PHACTR1: variants seen among roughly 807,000 people sequenced by gnomAD.
PHACTR1 encodes the protein RPEL repeat containing 1.
PHACTR1 carries 16 observed loss-of-function variants against 69.2 expected under a neutral mutation model. The observed-to-expected ratio is 0.23, with a 90% CI of 0.16 to 0.35. PHACTR1 has a LOEUF of 0.35. PHACTR1 is among the 10% of genes least tolerant of loss of function. The pLI is 1.00. For synonymous variants in PHACTR1, 312 were observed against 284.5 expected (o/e 1.10, Z -0.97); for missense variants, 510 against 734.7 (o/e 0.69, Z 3.54).
chr6:13,219,797 T>C (rs1230136720), intron 8 of PHACTR1, among the ~76,000 whole-genome samples: 1 of 152,198 alleles, frequency 6.6e-6, no homozygotes, highest in Non-Finnish European at 1.5e-5. Context: ...AATATTATAG[T>C]CCACGGTTTT....
At chr6:13,050,465 A>G (rs2127730936) in intron 4 of PHACTR1, among the ~76,000 whole-genome samples, 1 of 152,102 alleles carries the variant, frequency 6.6e-6, no homozygotes, top group African/African-American at 2.4e-5. Flanking sequence ...TCAGCATAAA[A>G]TCTCCTGATC....
chr6:12,769,410 A>C, intron 4 of PHACTR1, among the ~76,000 whole-genome samples: 1 of 152,204 alleles, frequency 6.6e-6, no homozygotes, highest in East Asian at 1.9e-4. Context: ...AAAGGAATGA[A>C]TTCCAGTCTT....
chr6:13,125,444 C>A (rs999865552), intron 5 of PHACTR1, among the ~76,000 whole-genome samples: 3 of 151,698 alleles, frequency 2.0e-5, no homozygotes, highest in African/African-American at 7.3e-5. Flanking sequence ...ATTTACCTTT[C>A]AGTCATTTTT....
chr6:13,027,821 A>G (rs1409403657), intron 4 of PHACTR1, among the ~76,000 whole-genome samples: 3 of 152,080 alleles, frequency 2.0e-5, no homozygotes, highest in Non-Finnish European at 4.4e-5. Context: ...GATTACAGGC[A>G]TGCGCCACCA....
chr6:13,273,341 T>G (rs1165813592), intron 11 of PHACTR1: 1 of 161,322 alleles, frequency 6.2e-6, no homozygotes, highest in Non-Finnish European at 1.4e-5. Flanking sequence ...GCATTGCAGC[T>G]GGCTGCTGTT....
At chr6:13,048,741 A>G (rs1805485654) in intron 4 of PHACTR1, among the ~76,000 whole-genome samples, 1 of 152,202 alleles carries the variant, frequency 6.6e-6, no homozygotes, top group South Asian at 2.1e-4. Context: ...CATGTTGGCC[A>G]GGCTGGTCTT....
intron 4 of PHACTR1, among the ~76,000 whole-genome samples, chr6:12,950,454 G>A (rs1207124113): frequency 6.6e-6 from 1 of 152,210 alleles, no homozygotes; most frequent in African/African-American, 2.4e-5. Context: ...ACTTGATGGT[G>A]GAGTGGTAGG....
At chr6:12,885,035 C>A (rs1013746316) in intron 4 of PHACTR1, among the ~76,000 whole-genome samples, 1 of 152,130 alleles carries the variant, frequency 6.6e-6, no homozygotes, top group African/African-American at 2.4e-5. Context: ...TGTGGAAAGC[C>A]TTCTTTGTGC....
chr6:12,949,032 AG>A (rs1175201226), intron 4 of PHACTR1, among the ~76,000 whole-genome samples: 2 of 152,202 alleles, frequency 1.3e-5, no homozygotes, highest in Non-Finnish European at 1.5e-5. Context: ...GCACTTTTGG[AG>A]GCCGAGGCGG....
At chr6:13,240,471 G>A (rs1396430150) in intron 10 of PHACTR1, among the ~76,000 whole-genome samples, 1 of 151,916 alleles carries the variant, frequency 6.6e-6, no homozygotes, top group Non-Finnish European at 1.5e-5. Flanking sequence ...TTGAGATGGA[G>A]TCTGACTTTG....
intron 4 of PHACTR1, among the ~76,000 whole-genome samples, chr6:13,023,711 G>C (rs1233176885): frequency 6.6e-6 from 1 of 152,198 alleles, no homozygotes; most frequent in Admixed American, 6.5e-5. Context: ...TCTATGAGCA[G>C]AAAGAGTGCG....
At chr6:12,870,832 A>G (rs1280844575) in intron 4 of PHACTR1, among the ~76,000 whole-genome samples, 2 of 152,228 alleles carry the variant, frequency 1.3e-5, no homozygotes, top group Non-Finnish European at 2.9e-5. Context: ...GACTTTTATC[A>G]GCTTCTAAAA....
chr6:12,889,771 TCTC>T (rs1382361025), intron 4 of PHACTR1, among the ~76,000 whole-genome samples: 9 of 150,840 alleles, frequency 6.0e-5, no homozygotes, highest in Non-Finnish European at 1.0e-4. Flanking sequence ...TTCCTCTTCT[TCTC>T]CTCCTCCTCC....
chr6:13,128,406 T>A (rs1156707581), intron 5 of PHACTR1, among the ~76,000 whole-genome samples: 2 of 151,154 alleles, frequency 1.3e-5, no homozygotes, highest in Non-Finnish European at 2.9e-5. Flanking sequence ...TTTTTTTAAA[T>A]GTAGGATATG....
intron 4 of PHACTR1, among the ~76,000 whole-genome samples, chr6:12,850,318 G>C (rs760623989): frequency 6.6e-6 from 1 of 152,204 alleles, no homozygotes; most frequent in East Asian, 1.9e-4. Context: ...ACTGCTGATC[G>C]ATGCCTGCAC....
chr6:12,848,976 G>T (rs1275684948), intron 4 of PHACTR1, among the ~76,000 whole-genome samples: 4 of 151,384 alleles, frequency 2.6e-5, no homozygotes, highest in Non-Finnish European at 5.9e-5. Flanking sequence ...CAGTATCAAT[G>T]ATTGTTCTTT....
chr6:12,935,733 C>G (rs2127534649), intron 4 of PHACTR1, among the ~76,000 whole-genome samples: 1 of 152,190 alleles, frequency 6.6e-6, no homozygotes. Flanking sequence ...TCCTGAGACT[C>G]ATGAAGAACC....
intron 4 of PHACTR1, among the ~76,000 whole-genome samples, chr6:12,758,555 T>C (rs1321143092): frequency 3.3e-5 from 5 of 151,728 alleles, no homozygotes; most frequent in Non-Finnish European, 5.9e-5. Flanking sequence ...CCCATCAGAT[T>C]GACATCATTA....
chr6:13,212,009 G>T (rs1186250179), intron 8 of PHACTR1, among the ~76,000 whole-genome samples: 1 of 152,162 alleles, frequency 6.6e-6, no homozygotes, highest in Non-Finnish European at 1.5e-5. Flanking sequence ...GTGCCAACAG[G>T]GTTGGTTTCT....
Sources: gnomAD v4.1 joint callset for allele counts (sites outside exome capture counted in the v4.1 genomes callset) on GRCh38, gnomAD v4.1.1 for gene constraint, MANE v1.5 for transcripts, NCBI Gene and HGNC (gene_info 2026-07-23, HGNC 2026-07-21) for gene names.